TAFA2: variants seen among roughly 807,000 people sequenced by gnomAD.
TAFA2 encodes chemokine-like protein TAFA-2.
A neutral mutation model predicts 18.8 loss-of-function variants in TAFA2; 7 were observed. The ratio of observed to expected loss-of-function variants is 0.37; its 90% CI spans 0.21 to 0.70. The LOEUF (loss-of-function observed/expected upper bound fraction) is 0.70, where lower values mean the gene tolerates loss of function less well. Among genes scored for constraint, TAFA2 ranks in the 30% least tolerant of loss-of-function variants. The pLI is 0.53. For synonymous variants in TAFA2, 60 were observed against 54.2 expected (o/e 1.11, Z -0.47); for missense variants, 122 against 158.1 (o/e 0.77, Z 1.23).
intron 2 of TAFA2, among the ~76,000 whole-genome samples, chr12:61,862,292 CA>C (rs1874162562): frequency 6.6e-6 from 1 of 152,186 alleles, no homozygotes; most frequent in South Asian, 2.1e-4. Context: ...TAATCCCTTC[CA>C]AAATGCCCAG....
At position 61,930,997 on chromosome 12, in the gene TAFA2, T is replaced by C. The variant is rs555470257; in HGVS notation, c.-1-63571A>G. ...TCAAGCCTGGTGATAGTTGGTTTCA[T>C]AAAATAAATGACTAGACAGACAGAT... On this transcript the variant is annotated intron_variant, in intron 1 of 4. Coordinates refer to ENST00000416284, the MANE Select transcript of TAFA2 (RefSeq NM_178539.5). 2.0e-5 allele frequency among the ~76,000 whole-genome samples: 3 copies of C among 152,336 alleles called. No individual in the cohort carries two copies. In the South Asian group the frequency reaches 6.2e-4, roughly 32 times the overall value.
intron 1 of TAFA2, among the ~76,000 whole-genome samples, chr12:62,218,735 TTC>T (rs2062747789): frequency 6.6e-6 from 1 of 152,206 alleles, no homozygotes; most frequent in Non-Finnish European, 1.5e-5. Context: ...GCCATTTATT[TTC>T]TTTCTCTTTT....
chr12:62,249,876 G>A (rs756353174), intron 1 of TAFA2, among the ~76,000 whole-genome samples: 8 of 152,170 alleles, frequency 5.3e-5, no homozygotes, highest in Non-Finnish European at 8.8e-5. Flanking sequence ...CTCCACCTGT[G>A]CCTCACAGCG....
intron 1 of TAFA2, among the ~76,000 whole-genome samples, chr12:62,144,450 T>C (rs925664033): frequency 2.7e-5 from 4 of 150,670 alleles, no homozygotes; most frequent in African/African-American, 9.9e-5. Flanking sequence ...ATTCTATCCC[T>C]CCCTCCACCA....
At chr12:61,733,740 T>C (rs923280082) in intron 4 of TAFA2, among the ~76,000 whole-genome samples, 3 of 151,950 alleles carry the variant, frequency 2.0e-5, no homozygotes, top group African/African-American at 7.3e-5. Context: ...GGCTTAGGAT[T>C]GACTTGGCGA....
At chr12:61,812,274 A>G (rs1227441274) in intron 2 of TAFA2, among the ~76,000 whole-genome samples, 1 of 151,546 alleles carries the variant, frequency 6.6e-6, no homozygotes, top group East Asian at 1.9e-4. Flanking sequence ...AAAGGGGGAA[A>G]GATCCCTTAA....
chr12:62,044,041 T>C (rs1437746174), intron 1 of TAFA2, among the ~76,000 whole-genome samples: 1 of 152,152 alleles, frequency 6.6e-6, no homozygotes, highest in East Asian at 1.9e-4. Context: ...TTCTACACAA[T>C]CTGCAAACCT....
At chr12:62,253,958 C>T (rs902971) in intron 1 of TAFA2, among the ~76,000 whole-genome samples, 51,334 of 152,058 alleles carry the variant, frequency 0.34, 9,238 homozygotes, top group African/African-American at 0.47. Flanking sequence ...TAAAAATATT[C>T]TTTGCACCAT....
At chr12:62,005,948 A>T (rs775464123) in intron 1 of TAFA2, among the ~76,000 whole-genome samples, 10 of 152,222 alleles carry the variant, frequency 6.6e-5, no homozygotes, top group Admixed American at 4.6e-4. Flanking sequence ...TCTACTTATT[A>T]AAATTTACAA....
intron 2 of TAFA2, among the ~76,000 whole-genome samples, chr12:61,792,232 G>C (rs1305262489): frequency 6.6e-6 from 1 of 151,560 alleles, no homozygotes; most frequent in East Asian, 1.9e-4. Context: ...AAAAGGATGG[G>C]ATGTAAAGGA....
At chr12:61,994,131 C>T (rs141506938) in intron 1 of TAFA2, among the ~76,000 whole-genome samples, 1 of 152,178 alleles carries the variant, frequency 6.6e-6, no homozygotes, top group South Asian at 2.1e-4. Context: ...GATATGTTCA[C>T]TTGACCCATT....
At chr12:61,842,650 T>C (rs1015617106) in intron 2 of TAFA2, among the ~76,000 whole-genome samples, 3 of 152,032 alleles carry the variant, frequency 2.0e-5, no homozygotes, top group African/African-American at 7.2e-5. Flanking sequence ...CCAATGATAC[T>C]TACTCTTTTA....
At chr12:61,908,319 A>G (rs1876452377) in intron 1 of TAFA2, among the ~76,000 whole-genome samples, 1 of 152,120 alleles carries the variant, frequency 6.6e-6, no homozygotes, top group Admixed American at 6.5e-5. Flanking sequence ...CATGATAGTG[A>G]ATAAATGCCA....
chr12:62,035,702 T>C (rs76074364), intron 1 of TAFA2, among the ~76,000 whole-genome samples: 10,208 of 147,862 alleles, frequency 0.069, 463 homozygotes, highest in Non-Finnish European at 0.11. Flanking sequence ...CGAACTTCAG[T>C]GCTATTGACG....
At chr12:61,967,891 C>T (rs1879121158) in intron 1 of TAFA2, among the ~76,000 whole-genome samples, 1 of 151,826 alleles carries the variant, frequency 6.6e-6, no homozygotes, top group African/African-American at 2.4e-5. Flanking sequence ...AGGACAGACA[C>T]ACAAGCAAGG....
rs771892130 is a variant in TAFA2 at position 61,939,410 on chromosome 12, G to C, written c.-1-71984C>G. Reference sequence around the variant, plus strand: ...TTTTCCTCTGGTATTTGAATACAATGTGTATCTTTGGTTTATTGGCAAAAA... The same window carrying C: ...TTTTCCTCTGGTATTTGAATACAATCTGTATCTTTGGTTTATTGGCAAAAA... On this transcript the variant is annotated intron_variant, in intron 1 of 4. Coordinates refer to ENST00000416284, the MANE Select transcript of TAFA2 (RefSeq NM_178539.5). Among the ~76,000 whole-genome samples, 29 of 152,166 alleles carry C rather than the reference G, an allele frequency of 1.9e-4. No individual in the cohort carries two copies. In the Middle Eastern group the frequency reaches 0.014, roughly 71 times the overall value.
At chr12:62,173,224 C>A (rs113526508) in intron 1 of TAFA2, among the ~76,000 whole-genome samples, 7,546 of 152,170 alleles carry the variant, frequency 0.05, 272 homozygotes, top group Non-Finnish European at 0.075. Flanking sequence ...AACAGCCTGG[C>A]CAACATGGTG....
At chr12:62,080,423 A>T (rs938521338) in intron 1 of TAFA2, among the ~76,000 whole-genome samples, 6 of 152,140 alleles carry the variant, frequency 3.9e-5, no homozygotes, top group African/African-American at 1.2e-4. Context: ...GGTTGTCTTA[A>T]AATTCTGCCT....
intron 1 of TAFA2, among the ~76,000 whole-genome samples, chr12:62,102,096 A>G (rs1869232604): frequency 6.6e-6 from 1 of 152,190 alleles, no homozygotes; most frequent in Admixed American, 6.5e-5. Flanking sequence ...GTTTCTTGCT[A>G]TATAATTAAC....
Sources: allele counts gnomAD v4.1 joint callset (sites outside exome capture counted in the v4.1 genomes callset), GRCh38; gene constraint gnomAD v4.1.1; transcripts MANE v1.5; gene names NCBI Gene and HGNC (gene_info 2026-07-23, HGNC 2026-07-21).